Variants in MAP3K10 observed in about 807,000 individuals in gnomAD.
MAP3K10 encodes mitogen-activated protein kinase kinase kinase 10, also known as MKN28 derived nonreceptor_type serine/threonine kinase.
A neutral mutation model predicts 75.0 loss-of-function variants in MAP3K10; 22 were observed. The ratio of observed to expected loss-of-function variants is 0.29; its 90% CI spans 0.21 to 0.42. The LOEUF is 0.42. MAP3K10 is among the 10% of genes least tolerant of loss of function. The pLI is 1.00. For synonymous variants in MAP3K10, 599 were observed against 612.9 expected (o/e 0.98, Z 0.34); for missense variants, 1,165 against 1,379.8 (o/e 0.84, Z 2.47).
rs1452609557 is a variant in MAP3K10 at position 40,205,374 on chromosome 19, C to G, written c.1188+78C>G. On this transcript the variant is annotated intron_variant, in intron 4 of 9. Transcript: ENST00000253055. This position sits in a 1 kb window ranked among gnomAD's most constrained non-coding sequence, Gnocchi z 4.3. ...TGCCTTGGGCTGCTCAGAGACTCCT[C>G]CCCTGAACCCCAGCCTTTGGGTCCA... 2.2e-5 allele frequency: 33 copies of G among 1,471,104 alleles called. No individual in the cohort carries two copies. Among genetic ancestry groups the G allele is most frequent in the Non-Finnish European group, 3.0e-5 (32 of 1,068,868 alleles). The allele number at this position is 1,471,104 out of a possible 1,614,324, so 91.1% of individuals were successfully genotyped here.
chr19:40,202,292 G>A (rs1343001863), intron 2 of MAP3K10, among the ~76,000 whole-genome samples: 1 of 152,092 alleles, frequency 6.6e-6, no homozygotes, highest in African/African-American at 2.4e-5. Flanking sequence ...CGCCCGCCTC[G>A]GCCTCCCAAA....
At position 40,215,557 on chromosome 19, in the gene MAP3K10, A is replaced by G. The variant is rs1973339552; in HGVS notation, c.*265A>G. 1 of 497,848 alleles carries G rather than the reference A, an allele frequency of 2.0e-6. No individual in the cohort carries two copies. The highest frequency in any genetic ancestry group is 3.1e-5 in the South Asian group (1 of 31,814). The allele number at this position is 497,848 out of a possible 1,614,324, so 30.8% of individuals were successfully genotyped here. On this transcript the variant is annotated 3_prime_UTR_variant, in exon 10 of 10. Coordinates refer to ENST00000253055, the MANE Select transcript of MAP3K10 (RefSeq NM_002446.4). Reference sequence around the variant, plus strand: ...GATTTGGCACAAAATGGAGCATTAAAGGTAACCCCTGCCCCCTACCGCACT... The same window carrying G: ...GATTTGGCACAAAATGGAGCATTAAGGGTAACCCCTGCCCCCTACCGCACT...
chr19:40,206,660 G>A (rs1024120471), intron 5 of MAP3K10, among the ~76,000 whole-genome samples: 4 of 152,086 alleles, frequency 2.6e-5, no homozygotes, highest in African/African-American at 9.7e-5. Context: ...TGAAAGCAGA[G>A]AGAACCTCAC....
Position 40,213,369 on chromosome 19 carries a change from G to A in MAP3K10, c.1838-148G>A. Reference sequence around the variant, plus strand: ...CCAGGGGCAGGGACCACCCTTCTCTGAGGCTTCTCCTGGAGACAGATTCAA... The same window carrying A: ...CCAGGGGCAGGGACCACCCTTCTCTAAGGCTTCTCCTGGAGACAGATTCAA... On this transcript the variant is annotated intron_variant, in intron 8 of 9. Coordinates refer to ENST00000253055, the MANE Select transcript of MAP3K10 (RefSeq NM_002446.4). The surrounding 1 kb of genome is among the most constrained non-coding windows in gnomAD (Gnocchi z 5.7). The A allele has an allele frequency of 6.8e-7, 1 of 1,462,474 alleles. No individual in the cohort carries two copies. 90.6% of individuals were successfully genotyped at this position (1,462,474 alleles called of 1,614,324 possible).
intron 5 of MAP3K10, among the ~76,000 whole-genome samples, chr19:40,208,368 T>TTTTTTA (rs1973172344): frequency 9.1e-6 from 1 of 109,698 alleles, no homozygotes; most frequent in African/African-American, 4.2e-5. Context: ...TTTTTTTTTT[T>TTTTTTA]TGTATTTTTA....
rs1179742452 is a variant in MAP3K10, at chr19:40,213,564, C to T, written c.1885C>T (p.Pro629Ser). The change falls in exon 9 of 10, where the codon CCC becomes TCC. Residue 629 changes from proline to serine, a missense_variant. Physicochemically the swap from Pro to Ser is moderately conservative, Grantham distance 74 (BLOSUM62 -1). Around this residue, in one of 2 missense-constraint regions of MAP3K10, gnomAD observed 590 missense variants for 586.6 expected, o/e 1.01. Transcript: ENST00000253055. The surrounding 1 kb of genome is among the most constrained non-coding windows in gnomAD (Gnocchi z 5.7). ...TGGAGGCAGCAGCGTGCCCCCTTCC[C>T]CCTACTCGACCCCGTCCTACCTCTC... ...EDGGSSVPPS[P>S]YSTPSYLSVP... The T allele has an allele frequency of 6.2e-7, 1 of 1,611,160 alleles. No individual in the cohort carries two copies. The highest frequency in any genetic ancestry group is 1.3e-5 in the African/African-American group (1 of 74,786).
Position 40,205,782 on chromosome 19 carries a change from G to T in MAP3K10, c.1189-129G>T. ...TGGCTAGCAAAGCATGAGTCGGGTG[G>T]TGAAACCAGTGTACCCCACAGCAAG... On this transcript the variant is annotated intron_variant, in intron 4 of 9. Coordinates refer to ENST00000253055, the MANE Select transcript of MAP3K10 (RefSeq NM_002446.4). This position sits in a 1 kb window ranked among gnomAD's most constrained non-coding sequence, Gnocchi z 4.3. 9.6e-7 allele frequency: 1 copy of T among 1,039,134 alleles called. No individual in the cohort carries two copies. Among genetic ancestry groups the T allele is most frequent in the Non-Finnish European group, 1.3e-6 (1 of 752,654 alleles). 64.4% of individuals were successfully genotyped at this position (1,039,134 alleles called of 1,614,324 possible).
Position 40,198,692 on chromosome 19 carries a change from AC to A in MAP3K10, c.863+139del. On this transcript the variant is annotated intron_variant, in intron 2 of 9. Transcript: ENST00000253055. The surrounding 1 kb of genome is among the most constrained non-coding windows in gnomAD (Gnocchi z 4.3). Reference sequence around the variant, plus strand: ...AGGGACCTGCTGGCAAGGTCAGGCCACCAGACAAGTGCCAGTTACCTGTTCA... The same window carrying A: ...AGGGACCTGCTGGCAAGGTCAGGCCACAGACAAGTGCCAGTTACCTGTTCA... The A allele has an allele frequency of 1.2e-6, 1 of 836,334 alleles. No individual in the cohort carries two copies. Among genetic ancestry groups the A allele is most frequent in the Non-Finnish European group, 1.8e-6 (1 of 548,762 alleles). The allele number at this position is 836,334 out of a possible 1,614,324, so 51.8% of individuals were successfully genotyped here.
chr19:40,198,411 C>A lies in MAP3K10; in HGVS notation c.719C>A (p.Ala240Glu). Reference sequence around the variant, plus strand: ...GAGGCCATCGAGAACCACAACCTCGCAGACACGGTGCTCAAGATCACGGAC... The same window carrying A: ...GAGGCCATCGAGAACCACAACCTCGAAGACACGGTGCTCAAGATCACGGAC... ...ILEAIENHNL[A>E]DTVLKITDFG... The change falls in exon 2 of 10, where the codon GCA becomes GAA. Residue 240 changes from alanine (A) to glutamate (E), a missense_variant. By Grantham distance (107) the Ala-to-Glu change is moderately radical. Around this residue, in one of 2 missense-constraint regions of MAP3K10, gnomAD observed 575 missense variants for 793.2 expected, o/e 0.72. Transcript: ENST00000253055. The surrounding 1 kb of genome is among the most constrained non-coding windows in gnomAD (Gnocchi z 4.3). 1.2e-6 allele frequency: 2 copies of A among 1,614,034 alleles called. No individual in the cohort carries two copies. Among genetic ancestry groups the A allele is most frequent in the Non-Finnish European group, 1.7e-6 (2 of 1,179,982 alleles).
intron 1 of MAP3K10, among the ~76,000 whole-genome samples, chr19:40,196,187 G>A (rs1055334195): frequency 6.6e-6 from 1 of 152,092 alleles, no homozygotes; most frequent in East Asian, 1.9e-4. Context: ...AACCCAGGCA[G>A]CACACTGTAT....
intron 1 of MAP3K10, among the ~76,000 whole-genome samples, chr19:40,196,940 A>G (rs982625557): frequency 6.6e-6 from 1 of 151,874 alleles, no homozygotes; most frequent in African/African-American, 2.4e-5. Flanking sequence ...GTTAGTGACA[A>G]CCCGGGTAGA....
At chr19:40,202,734 C>T (rs1366691957) in intron 2 of MAP3K10, among the ~76,000 whole-genome samples, 1 of 152,124 alleles carries the variant, frequency 6.6e-6, no homozygotes, top group African/African-American at 2.4e-5. Flanking sequence ...CAGCCTTGAA[C>T]TCTTGGGCTC....
At chr19:40,207,569 C>G (rs1433080916) in intron 5 of MAP3K10, among the ~76,000 whole-genome samples, 2 of 152,038 alleles carry the variant, frequency 1.3e-5, no homozygotes, top group African/African-American at 4.8e-5. Flanking sequence ...AACCCCATCT[C>G]TACTAAAACT....
chr19:40,206,644 C>A (rs1973128435), intron 5 of MAP3K10, among the ~76,000 whole-genome samples: 1 of 152,052 alleles, frequency 6.6e-6, no homozygotes, highest in African/African-American at 2.4e-5. Context: ...ACTCTAGTCA[C>A]CCCCATGAAA....
At chr19:40,209,027 T>A (rs1266666060) in intron 5 of MAP3K10, 76 bp from the exon 6 acceptor site, 3 of 1,055,266 alleles carry the variant, frequency 2.8e-6, no homozygotes, top group Non-Finnish European at 2.9e-6. Flanking sequence ...ATTCCTTCTC[T>A]ACTTCTACAG....
Position 40,215,261 on chromosome 19 carries a change from T to C in MAP3K10, c.2834T>C (p.Val945Ala). 6.4e-7 allele frequency: 1 copy of C among 1,552,766 alleles called. No individual in the cohort carries two copies. Among genetic ancestry groups the C allele is most frequent in the Non-Finnish European group, 8.7e-7 (1 of 1,148,444 alleles). ...GAGGGGCAGAACCAAGACAGCACAG[T>C]GCCCCTGTGCGGGGCCCACGGCTCC... is the stretch of plus-strand genomic sequence containing the variant. ...DMEGQNQDST[V>A]PLCGAHGSH Residue 945 changes from valine (V) to alanine (A), a missense_variant, in exon 10 of 10, where the codon GTG (valine) becomes GCG (alanine). This residue lies in a region of MAP3K10 where 590 missense variants were observed against 586.6 expected (regional missense o/e 1.01). Coordinates refer to ENST00000253055, the MANE Select transcript of MAP3K10 (RefSeq NM_002446.4).
At chr19:40,200,802 G>T (rs1477220562) in intron 2 of MAP3K10, among the ~76,000 whole-genome samples, 1 of 151,630 alleles carries the variant, frequency 6.6e-6, no homozygotes, top group Non-Finnish European at 1.5e-5. Context: ...TGGAGACAGG[G>T]TTTCACCATG....
chr19:40,206,401 C>CA, intron 5 of MAP3K10: 2 of 389,658 alleles, frequency 5.1e-6, no homozygotes, highest in Non-Finnish European at 4.4e-6. Context: ...CCCATATTTA[C>CA]CAAAAAAAAA....
rs766037976 is a variant in MAP3K10, at chr19:40,213,024, C to T, written c.1724+48C>T. 6.9e-6 allele frequency: 11 copies of T among 1,594,160 alleles called. No individual in the cohort carries two copies. The highest frequency in any genetic ancestry group is 6.8e-5 in the Admixed American group (4 of 58,404). ...CCACCCTGTGCCCAAGCCCCAGCTC[C>T]CAGGCTCCAGGCCACAGGACTGAGG... On this transcript the variant is annotated intron_variant, in intron 7 of 9. Transcript: ENST00000253055. This position sits in a 1 kb window ranked among gnomAD's most constrained non-coding sequence, Gnocchi z 5.7.
Sources: gnomAD v4.1 joint callset for allele counts (sites outside exome capture counted in the v4.1 genomes callset) on GRCh38, gnomAD v4.1.1 for gene constraint, gnomAD v4.1.1 regional missense constraint, Gnocchi (gnomAD v3.1) non-coding constraint, MANE v1.5 for transcripts, NCBI Gene and HGNC (gene_info 2026-07-23, HGNC 2026-07-21) for gene names.